The following CNTNAP2 variants were observed in gnomAD, a reference collection of about 807,000 sequenced individuals.
CNTNAP2 encodes contactin associated protein 2.
CNTNAP2 carries 98 observed loss-of-function variants against 155.2 expected under a neutral mutation model. The ratio of observed to expected loss-of-function variants is 0.63; its 90% confidence interval spans 0.54 to 0.75. The LOEUF is 0.75. Among genes scored for constraint, CNTNAP2 ranks in the 30% least tolerant of loss-of-function variants. The pLI, the probability that CNTNAP2 is intolerant of heterozygous loss-of-function variation, is 0.00. For synonymous variants in CNTNAP2, 651 were observed against 631.2 expected, an observed-to-expected ratio of 1.03 and a Z score of -0.47; for missense variants, 1,727 against 1,688.1, an observed-to-expected ratio of 1.02 and a Z score of -0.40.
intron 1 of CNTNAP2, among the ~76,000 whole-genome samples, chr7:146,277,268 G>T (rs1800179682): frequency 6.6e-6 from 1 of 152,158 alleles, no homozygotes; most frequent in Non-Finnish European, 1.5e-5. Context: ...AACTGTCAGA[G>T]AATATGTTTC....
chr7:147,197,420 G>A (rs987715360), intron 8 of CNTNAP2, among the ~76,000 whole-genome samples: 4 of 140,102 alleles, frequency 2.9e-5, no homozygotes, highest in Admixed American at 8.1e-5. Context: ...TGTGTGTTTC[G>A]TCCAGCTCTT....
At chr7:148,183,461 G>T (rs1795070256) in intron 18 of CNTNAP2, among the ~76,000 whole-genome samples, 1 of 138,314 alleles carries the variant, frequency 7.2e-6, no homozygotes. Flanking sequence ...ATATTTACAA[G>T]AAATACTTAT....
intron 13 of CNTNAP2, among the ~76,000 whole-genome samples, chr7:147,890,992 C>T (rs1340564567): frequency 6.6e-6 from 1 of 152,022 alleles, no homozygotes; most frequent in Non-Finnish European, 1.5e-5. Context: ...CTCCACTGAG[C>T]CATTTCACAG....
At chr7:146,315,798 T>C (rs1189040949) in intron 1 of CNTNAP2, among the ~76,000 whole-genome samples, 1 of 152,240 alleles carries the variant, frequency 6.6e-6, no homozygotes, top group Non-Finnish European at 1.5e-5. Context: ...TATAGCTTCT[T>C]GTGGCTTAGA....
At chr7:146,266,038 T>A (rs1488560479) in intron 1 of CNTNAP2, among the ~76,000 whole-genome samples, 1 of 152,116 alleles carries the variant, frequency 6.6e-6, no homozygotes, top group Non-Finnish European at 1.5e-5. Context: ...ATACACATAT[T>A]ATCAAAGTTT....
intron 8 of CNTNAP2, among the ~76,000 whole-genome samples, chr7:147,284,658 C>T (rs1288852518): frequency 6.6e-6 from 1 of 151,756 alleles, no homozygotes; most frequent in Non-Finnish European, 1.5e-5. Flanking sequence ...CATTTATATC[C>T]TAATATGTGT....
chr7:147,140,966 A>G (rs1801580153), intron 8 of CNTNAP2, among the ~76,000 whole-genome samples: 1 of 152,134 alleles, frequency 6.6e-6, no homozygotes, highest in African/African-American at 2.4e-5. Flanking sequence ...CCTCTTATCT[A>G]CTGCTAAGAT....
intron 1 of CNTNAP2, among the ~76,000 whole-genome samples, chr7:146,552,416 A>C (rs1331715711): frequency 6.6e-6 from 1 of 152,040 alleles, no homozygotes; most frequent in Admixed American, 6.6e-5. Flanking sequence ...CATTAACTTC[A>C]CACTACTTTC....
At chr7:146,481,404 T>G (rs1796958654) in intron 1 of CNTNAP2, among the ~76,000 whole-genome samples, 1 of 152,230 alleles carries the variant, frequency 6.6e-6, no homozygotes, top group African/African-American at 2.4e-5. Flanking sequence ...ATGTGACCTT[T>G]TGCAAGTTAC....
intron 18 of CNTNAP2, among the ~76,000 whole-genome samples, chr7:148,214,911 G>A (rs1795610898): frequency 6.6e-6 from 1 of 152,172 alleles, no homozygotes; most frequent in Non-Finnish European, 1.5e-5. Flanking sequence ...ACACATTGCA[G>A]GACATGCTGC....
chr7:147,394,520 A>G (rs1349771757), intron 9 of CNTNAP2, among the ~76,000 whole-genome samples: 1 of 152,040 alleles, frequency 6.6e-6, no homozygotes, highest in East Asian at 1.9e-4. Context: ...AAATTAGTAC[A>G]GTTTAAATTT....
intron 8 of CNTNAP2, among the ~76,000 whole-genome samples, chr7:147,241,636 G>GAAAAAAA (rs773697991): frequency 1.6e-5 from 1 of 63,132 alleles, no homozygotes; most frequent in East Asian, 5.0e-4. Context: ...TCAAAAAAAG[G>GAAAAAAA]AAAAAAAAAA....
chr7:146,739,226 G>T (rs10229469), intron 1 of CNTNAP2, among the ~76,000 whole-genome samples: 1 of 151,640 alleles, frequency 6.6e-6, no homozygotes, highest in African/African-American at 2.4e-5. Context: ...TGCAATGTTA[G>T]GTCATTTACT....
intron 1 of CNTNAP2, among the ~76,000 whole-genome samples, chr7:146,373,332 C>A (rs2129103159): frequency 6.6e-6 from 1 of 151,998 alleles, no homozygotes; most frequent in African/African-American, 2.4e-5. Flanking sequence ...TATCTCCAGG[C>A]ATTTGAGGAA....
At chr7:148,389,398 A>C (rs959444124) in intron 22 of CNTNAP2, among the ~76,000 whole-genome samples, 1 of 152,154 alleles carries the variant, frequency 6.6e-6, no homozygotes, top group African/African-American at 2.4e-5. Flanking sequence ...CATGTAAGAC[A>C]TGACTTGCTC....
chr7:148,358,990 G>A (rs186986055), intron 21 of CNTNAP2, among the ~76,000 whole-genome samples: 3 of 152,232 alleles, frequency 2.0e-5, no homozygotes, highest in Non-Finnish European at 4.4e-5. Flanking sequence ...GTGTAAGGAC[G>A]ATTCAGTCAA....
chr7:147,439,235 T>C (rs117613105), intron 10 of CNTNAP2, among the ~76,000 whole-genome samples: 232 of 152,158 alleles, frequency 1.5e-3, no homozygotes, highest in Admixed American at 3.0e-3. Context: ...AGCTATGAAC[T>C]TTCCTCTTAG....
chr7:148,400,190 C>A (rs1799552052), intron 22 of CNTNAP2, among the ~76,000 whole-genome samples: 1 of 152,218 alleles, frequency 6.6e-6, no homozygotes, highest in African/African-American at 2.4e-5. Context: ...CCACCAGTTA[C>A]ACAAGTGCAG....
At chr7:147,663,183 G>C (rs1440420012) in intron 13 of CNTNAP2, among the ~76,000 whole-genome samples, 2 of 38 alleles carry the variant, frequency 0.053, no homozygotes, top group Non-Finnish European at 0.071. Context: ...AATTTTCGTA[G>C]GGACGGGTTT....
Sources: allele counts gnomAD v4.1 joint callset (sites outside exome capture counted in the v4.1 genomes callset), GRCh38; gene constraint gnomAD v4.1.1; transcripts MANE v1.5; gene names NCBI Gene and HGNC (gene_info 2026-07-23, HGNC 2026-07-21).